The following ROBO2 variants were observed in gnomAD, a reference collection of about 807,000 sequenced individuals.
The protein encoded by ROBO2 is roundabout homolog 2.
Under a neutral mutation model 160.8 loss-of-function variants are expected in ROBO2, and 53 were observed. The observed-to-expected ratio is 0.33, with a 90% CI of 0.26 to 0.41. The LOEUF is 0.41. Among genes scored for constraint, ROBO2 ranks in the 10% least tolerant of loss-of-function variants. ROBO2 has a pLI of 1.00. For missense variants in ROBO2, 1,577 were observed against 1,722.4 expected (o/e 0.92, Z 1.49); for synonymous variants, 664 against 611.7 (o/e 1.09, Z -1.26).
At chr3:76,960,449 CTA>C (rs56194685) in intron 2 of ROBO2, among the ~76,000 whole-genome samples, 24,604 of 151,396 alleles carry the variant, frequency 0.16, 2,407 homozygotes, top group Non-Finnish European at 0.22. Context: ...ATATCTGTAT[CTA>C]TATATATATA....
chr3:76,417,404 C>A (rs1388399545), intron 2 of ROBO2, among the ~76,000 whole-genome samples: 4 of 152,074 alleles, frequency 2.6e-5, no homozygotes, highest in Non-Finnish European at 5.9e-5. Flanking sequence ...GTACTTAGAA[C>A]AAGATAAATG....
At chr3:77,580,266 G>A (rs2093881019) in intron 16 of ROBO2, 148 bp downstream of exon 17, 2 of 781,624 alleles carry the variant, frequency 2.6e-6, no homozygotes, top group Admixed American at 2.1e-5. Context: ...ACTGACTAGA[G>A]TTTTTTACAA....
rs529446754 is a variant in ROBO2 at position 77,360,897 on chromosome 3, C to T, written c.389-116517C>T. 6.6e-5 allele frequency among the ~76,000 whole-genome samples: 3 copies of T among 45,636 alleles called. No homozygotes were observed. The East Asian group carries it at 1.8e-3, about 28-fold the overall frequency. 29.9% of individuals were successfully genotyped at this position (45,636 alleles called of 152,430 possible). ...GTGGGTGCTAAAATATTTTTGTTTG[C>T]ATTTTTTTTTTCTGGCTACATTAGT... On this transcript the variant is annotated intron_variant, in intron 2 of 25. Transcript: ENST00000461745.
chr3:77,401,307 C>T (rs1261740068), intron 2 of ROBO2, among the ~76,000 whole-genome samples: 1 of 150,476 alleles, frequency 6.6e-6, no homozygotes, highest in Non-Finnish European at 1.5e-5. Context: ...CCTTAAAAGG[C>T]AAGAGGATTT....
At chr3:76,266,507 G>A (rs533381382) in intron 2 of ROBO2, among the ~76,000 whole-genome samples, 5 of 152,162 alleles carry the variant, frequency 3.3e-5, no homozygotes, top group Admixed American at 2.6e-4. Flanking sequence ...TGTAACTTAC[G>A]TGTTCTCTCT....
At chr3:77,180,388 T>TTCTC (rs369947015) in intron 2 of ROBO2, among the ~76,000 whole-genome samples, 4,109 of 99,266 alleles carry the variant, frequency 0.041, 173 homozygotes, top group East Asian at 0.089. Context: ...ACCTTTTGAA[T>TTCTC]TCTCTCTCTC....
intron 2 of ROBO2, among the ~76,000 whole-genome samples, chr3:76,312,965 G>T (rs1408604274): frequency 6.6e-6 from 1 of 152,186 alleles, no homozygotes; most frequent in African/African-American, 2.4e-5. Flanking sequence ...TGTAAATCAA[G>T]TCTGAAATGT....
intron 2 of ROBO2, among the ~76,000 whole-genome samples, chr3:76,490,816 T>C (rs923890409): frequency 2.0e-5 from 3 of 152,202 alleles, no homozygotes; most frequent in African/African-American, 4.8e-5. Flanking sequence ...GTAGTCCACA[T>C]TTTTATTTAG....
intron 2 of ROBO2, among the ~76,000 whole-genome samples, chr3:76,933,057 A>G (rs1177360191): frequency 1.6e-5 from 2 of 127,656 alleles, no homozygotes; most frequent in African/African-American, 3.1e-5. Flanking sequence ...GAGGAAGTGG[A>G]CAGGAAGTGA....
In ROBO2 at chr3:77,182,763, G is replaced by A. The variant is rs189027342; in HGVS notation, c.388+84423G>A. Among the ~76,000 whole-genome samples the A allele has an allele frequency of 1.6e-3, 247 of 152,178 alleles. 1 individual carries two copies. Among genetic ancestry groups the A allele is most frequent in the African/African-American group, 5.7e-3 (237 of 41,540 alleles). On this transcript the variant is annotated intron_variant, in intron 2 of 25. Coordinates refer to ENST00000461745, the Ensembl canonical transcript of ROBO2. ...TCCATAGAGACTCTGTGTTCCCACA[G>A]CTGAAGAAACTTTATACAAAGGTGT...
exon 14 of ROBO2, chr3:77,574,567 G>A (rs753498317): frequency 3.7e-6 from 6 of 1,613,320 alleles, no homozygotes; most frequent in East Asian, 2.2e-5. Context: ...GTCTGCAGGC[G>A]ACATCTTCGT....
intron 2 of ROBO2, among the ~76,000 whole-genome samples, chr3:77,319,031 G>T (rs2064373626): frequency 6.6e-6 from 1 of 152,132 alleles, no homozygotes; most frequent in Admixed American, 6.5e-5. Context: ...CCAAGTCAAT[G>T]ATTTTGATTA....
intron 9 of ROBO2, 54 bp from the exon 11 acceptor site, chr3:77,562,597 T>C: frequency 1.6e-6 from 2 of 1,274,504 alleles, no homozygotes; most frequent in African/African-American, 2.9e-5. Context: ...CATTGAGTAA[T>C]TATTCTGCAA....
At chr3:76,112,420 G>C (rs1474734546) in intron 2 of ROBO2, among the ~76,000 whole-genome samples, 4 of 151,796 alleles carry the variant, frequency 2.6e-5, no homozygotes, top group African/African-American at 9.7e-5. Context: ...TTTATATCTG[G>C]TAGAACCTCC....
chr3:76,697,689 TA>T (rs11295681), intron 2 of ROBO2, among the ~76,000 whole-genome samples: 54,378 of 151,900 alleles, frequency 0.36, 10,124 homozygotes, highest in East Asian at 0.56. Flanking sequence ...ATGAAAATAT[TA>T]GACAATTGTA....
At chr3:76,247,752 A>G (rs529524571) in intron 2 of ROBO2, among the ~76,000 whole-genome samples, 1 of 152,056 alleles carries the variant, frequency 6.6e-6, no homozygotes, top group Non-Finnish European at 1.5e-5. Flanking sequence ...TCATCTGACA[A>G]AGGGCTAATA....
At chr3:76,187,301 GTCTTAGT>G (rs1701811055) in intron 2 of ROBO2, among the ~76,000 whole-genome samples, 2 of 152,030 alleles carry the variant, frequency 1.3e-5, no homozygotes, top group Admixed American at 1.3e-4. Flanking sequence ...ATGAGACAAG[GTCTTAGT>G]CTGTTGCCCA....
intron 2 of ROBO2, among the ~76,000 whole-genome samples, chr3:77,146,482 A>C (rs1579380516): frequency 6.6e-6 from 1 of 152,308 alleles, no homozygotes; most frequent in East Asian, 1.9e-4. Flanking sequence ...ATTAATAATC[A>C]TTTTGATTAT....
At chr3:77,393,235 T>C (rs1481016725) in intron 2 of ROBO2, among the ~76,000 whole-genome samples, 2 of 152,178 alleles carry the variant, frequency 1.3e-5, no homozygotes, top group African/African-American at 4.8e-5. Context: ...TCAATTTCTC[T>C]TCTCAATGTC....
Sources: allele counts gnomAD v4.1 joint callset (sites outside exome capture counted in the v4.1 genomes callset), GRCh38; gene constraint gnomAD v4.1.1; transcripts MANE v1.5; gene names NCBI Gene and HGNC (gene_info 2026-07-23, HGNC 2026-07-21).